The following COQ10A variants were observed in gnomAD, a reference collection of about 807,000 sequenced individuals.
COQ10A encodes the protein coenzyme Q-binding protein COQ10 homolog A, mitochondrial.
A neutral mutation model predicts 26.1 loss-of-function variants in COQ10A; 25 were observed. The observed-to-expected ratio is 0.96, with a 90% CI of 0.70 to 1.34. The LOEUF (loss-of-function observed/expected upper bound fraction) is 1.34. Ranked by LOEUF, COQ10A falls within the 40% of genes most tolerant of loss-of-function variation. The pLI is 0.00. For missense variants in COQ10A, 312 were observed against 335.4 expected, an observed-to-expected ratio of 0.93 and a Z score of 0.54; for synonymous variants, 132 against 124.0, an observed-to-expected ratio of 1.06 and a Z score of -0.43.
Position 56,269,159 on chromosome 12 carries a change from G to C in COQ10A, c.382G>C (p.Gly128Arg). The C allele has an allele frequency of 1.2e-6, 2 of 1,614,138 alleles. No individual in the cohort carries two copies. Among genetic ancestry groups the C allele is most frequent in the Admixed American group, 3.3e-5 (2 of 60,020 alleles). The change falls in exon 3 of 5, where the codon GGT (glycine) becomes CGT (arginine). Residue 128 changes from glycine to arginine, a missense_variant. Gly to Arg is a moderately radical substitution (Grantham distance 125). Transcript: ENST00000308197. ...KKSLVVSSRK[G>R]HLKAQLEVGF... ...GTCTCTGGTGGTATCCAGCCGTAAG[G>C]GTCATTTGAAAGCCCAGCTGGAGGT...
In COQ10A at chr12:56,268,972, T is replaced by C. The variant is rs1872427632; in HGVS notation, c.282-87T>C. On this transcript the variant is annotated intron_variant, in intron 2 of 4. Coordinates refer to ENST00000308197, the MANE Select transcript of COQ10A (RefSeq NM_144576.4). ...GTAGTTCCTGAAGGTGCGTGGTTAG[T>C]GGGCAAAGGTATGAATTAGGGGCCT... 8 of 1,069,958 alleles carry C rather than the reference T, an allele frequency of 7.5e-6. No homozygotes were observed. The East Asian group carries it at 1.7e-4, about 22-fold the overall frequency. The allele number at this position is 1,069,958 out of a possible 1,614,324, so 66.3% of individuals were successfully genotyped here.
At position 56,269,090 on chromosome 12, in the gene COQ10A, T is replaced by C; in HGVS notation, c.313T>C (p.Ser105Pro). Residue 105 changes from serine (S) to proline (P), a missense_variant, in exon 3 of 5, where the codon TCC (serine) becomes CCC (proline). Physicochemically the swap from Ser to Pro is moderately conservative, Grantham distance 74. Coordinates refer to ENST00000308197, the MANE Select transcript of COQ10A (RefSeq NM_144576.4). ...YSMQEMYEVV[S>P]NVQEYREFVP... ...AATGCAGGAGATGTATGAGGTGGTG[T>C]CCAACGTCCAGGAGTATCGTGAGTT... The C allele has an allele frequency of 6.2e-7, 1 of 1,614,026 alleles. No homozygotes were observed. Among genetic ancestry groups the C allele is most frequent in the Non-Finnish European group, 8.5e-7 (1 of 1,180,024 alleles).
chr12:56,269,269 G>A lies in COQ10A; in HGVS notation c.474+18G>A, dbSNP rs1229177529. On this transcript the variant is annotated intron_variant, in intron 3 of 4. Coordinates refer to ENST00000308197, the MANE Select transcript of COQ10A (RefSeq NM_144576.4). ...TGGTCAAGGTGAGGCCTGTATGGGAGGGATTGACAAGATTTTTTGTTTTTA... is the reference window on the plus strand; with the variant it reads ...TGGTCAAGGTGAGGCCTGTATGGGAAGGATTGACAAGATTTTTTGTTTTTA... 2 of 1,605,182 alleles carry A rather than the reference G, an allele frequency of 1.2e-6. No individual in the cohort carries two copies. Among genetic ancestry groups the A allele is most frequent in the South Asian group, 1.1e-5 (1 of 90,786 alleles).
At position 56,270,493 on chromosome 12, in the gene COQ10A, A is replaced by G; in HGVS notation, c.*176A>G. The G allele has an allele frequency of 1.5e-6, 1 of 671,504 alleles. No homozygotes were observed. The highest frequency in any genetic ancestry group is 2.0e-5 in the South Asian group (1 of 50,014). 41.6% of individuals were successfully genotyped at this position (671,504 alleles called of 1,614,324 possible). A position where few individuals can be genotyped will look rare whatever the true frequency, so the allele number is the denominator to read the frequency against. ...GGCTGGAAATGTTGGGGGAAAGAGA[A>G]GGCAAAGGATGTGGAAATGAGATGT... On this transcript the variant is annotated 3_prime_UTR_variant, in exon 5 of 5. Coordinates refer to ENST00000308197, the MANE Select transcript of COQ10A (RefSeq NM_144576.4).
rs1338277051 is a variant in COQ10A, at chr12:56,270,215, C to G, written c.642C>G (p.Val214=). 11 of 1,614,180 alleles carry G rather than the reference C, an allele frequency of 6.8e-6. No homozygotes were observed. Among genetic ancestry groups the G allele is most frequent in the African/African-American group, 5.3e-5 (4 of 75,032 alleles). ...CCACCATGTTTTTTGATGAGGTTGT[C>G]AAACAGAATGTTGCTGCCTTTGAGC... The part of the protein sequence containing the change: ...QLATMFFDEV[V]KQNVAAFERR... Residue 214 remains valine, a synonymous_variant, in exon 5 of 5, where the codon GTC becomes GTG. Coordinates refer to ENST00000308197, the MANE Select transcript of COQ10A (RefSeq NM_144576.4).
chr12:56,267,735 A>G, intron 1 of COQ10A, 59 bp from the exon 2 acceptor site: 1 of 1,610,010 alleles, frequency 6.2e-7, no homozygotes, highest in Non-Finnish European at 8.5e-7. Context: ...TCCTTCACCT[A>G]CAAATGATAG....
Position 56,267,879 on chromosome 12 carries a change from A to C in COQ10A, c.220A>C (p.Met74Leu). 6.2e-7 allele frequency: 1 copy of C among 1,614,134 alleles called. No individual in the cohort carries two copies. Among genetic ancestry groups the C allele is most frequent in the South Asian group, 1.1e-5 (1 of 91,082 alleles). ...TGGCTTACCTTCGAGCCGTTCCTTC[A>C]TGGGATTTGCTGCTCCCTTCACCAA... ...EAGLPSSRSF[M>L]GFAAPFTNKR... Residue 74 changes from methionine to leucine, a missense_variant, in exon 2 of 5, where the codon ATG (methionine) becomes CTG (leucine). Transcript: ENST00000308197.
rs965656501 is a variant in COQ10A at position 56,270,559 on chromosome 12, C to A, written c.*242C>A. ...AGGCCCATCGTAGGAGCACCATATG[C>A]CTGCAGCCTTTTCACTACGAATTAG... On this transcript the variant is annotated 3_prime_UTR_variant, in exon 5 of 5. Coordinates refer to ENST00000308197, the MANE Select transcript of COQ10A (RefSeq NM_144576.4). The A allele has an allele frequency of 2.1e-6, 1 of 469,176 alleles. No individual in the cohort carries two copies. Among genetic ancestry groups the A allele is most frequent in the Non-Finnish European group, 3.8e-6 (1 of 263,162 alleles). 29.1% of individuals were successfully genotyped at this position (469,176 alleles called of 1,614,324 possible). A position where few individuals can be genotyped will look rare whatever the true frequency, so the allele number is the denominator to read the frequency against.
chr12:56,267,151 TG>T lies in COQ10A; in HGVS notation c.36del (p.Thr13ArgfsTer32). ...GGGCGGGCTCGCGGCGGGTCCCAGC[TG>T]GGACGCGCGCGGCAGCCGAGCGCTG... ...AWAGSRRVPAGTRAAAERCCR... is the reference protein window; with the variant it reads ...AWAGSRRVPAXTRAAAERCCR... On this transcript the variant is annotated frameshift_variant, in exon 1 of 5. Coordinates refer to ENST00000308197, the MANE Select transcript of COQ10A (RefSeq NM_144576.4). LOFTEE classifies it high-confidence loss of function. The T allele has an allele frequency of 7.5e-7, 1 of 1,340,660 alleles. No homozygotes were observed. Among genetic ancestry groups the T allele is most frequent in the Non-Finnish European group, 9.5e-7 (1 of 1,052,418 alleles). The allele number at this position is 1,340,660 out of a possible 1,614,324, so 83.0% of individuals were successfully genotyped here. A position where few individuals can be genotyped will look rare whatever the true frequency, so the allele number is the denominator to read the frequency against.
rs1015160801 is a variant in COQ10A at position 56,267,124 on chromosome 12, C to A, written c.6C>A (p.Ala2=). 7.7e-7 allele frequency: 1 copy of A among 1,297,810 alleles called. No individual in the cohort carries two copies. The highest frequency in any genetic ancestry group is 9.7e-7 in the Non-Finnish European group (1 of 1,028,282). 80.4% of individuals were successfully genotyped at this position (1,297,810 alleles called of 1,614,324 possible). M[A]WAGSRRVPAG... ...GGCCAGGCAGGGTCGCGCGCATGGCCTGGGCGGGCTCGCGGCGGGTCCCAG... is the reference window on the plus strand; with the variant it reads ...GGCCAGGCAGGGTCGCGCGCATGGCATGGGCGGGCTCGCGGCGGGTCCCAG... The change falls in exon 1 of 5, where the codon GCC becomes GCA. Residue 2 remains alanine, a synonymous_variant. Transcript: ENST00000308197.
In COQ10A at chr12:56,267,944, A is replaced by G. The variant is rs1247332760; in HGVS notation, c.281+4A>G. 3 of 1,613,906 alleles carry G rather than the reference A, an allele frequency of 1.9e-6. No individual in the cohort carries two copies. The highest frequency in any genetic ancestry group is 2.5e-6 in the Non-Finnish European group (3 of 1,180,006). Reference sequence around the variant, plus strand: ...ACTCGGAGCGTAGAATCATGGGGTAAGCATTCTCTGCCTTGCATCCTTGCA... The same window carrying G: ...ACTCGGAGCGTAGAATCATGGGGTAGGCATTCTCTGCCTTGCATCCTTGCA... On this transcript the variant is annotated splice_donor_region_variant and intron_variant, in intron 2 of 4. Transcript: ENST00000308197.
In COQ10A at chr12:56,270,825, G is replaced by C. The variant is rs1872498510; in HGVS notation, c.*508G>C. Reference sequence around the variant, plus strand: ...AAGTCCATGCTGCCTGGCTACTAGAGAGCAAGGGGCTTTCTTACCACCAGT... The same window carrying C: ...AAGTCCATGCTGCCTGGCTACTAGACAGCAAGGGGCTTTCTTACCACCAGT... On this transcript the variant is annotated 3_prime_UTR_variant, in exon 5 of 5. Coordinates refer to ENST00000308197, the MANE Select transcript of COQ10A (RefSeq NM_144576.4). 1 of 152,370 alleles carries C rather than the reference G, an allele frequency of 6.6e-6. No homozygotes were observed. Among genetic ancestry groups the C allele is most frequent in the Admixed American group, 6.5e-5 (1 of 15,284 alleles). The allele number at this position is 152,370 out of a possible 1,614,324, so 9.4% of individuals were successfully genotyped here.
At chr12:56,268,195 G>A (rs1872407852) in intron 2 of COQ10A, 2 of 496,118 alleles carry the variant, frequency 4.0e-6, no homozygotes, top group Non-Finnish European at 7.2e-6. Flanking sequence ...GCGTAGCTGG[G>A]TGCGGTGGCT....
chr12:56,270,223 A>G lies in COQ10A; in HGVS notation c.650A>G (p.Asn217Ser), dbSNP rs532467426. The G allele has an allele frequency of 6.2e-7, 1 of 1,614,182 alleles. No homozygotes were observed. Among genetic ancestry groups the G allele is most frequent in the South Asian group, 1.1e-5 (1 of 91,084 alleles). ...TMFFDEVVKQ[N>S]VAAFERRAAT... ...TTTTTTGATGAGGTTGTCAAACAGA[A>G]TGTTGCTGCCTTTGAGCGTCGGGCA... is the stretch of plus-strand genomic sequence containing the variant. Residue 217 changes from asparagine to serine, a missense_variant, in exon 5 of 5, where the codon AAT becomes AGT. Asn to Ser is a conservative substitution (Grantham distance 46). Transcript: ENST00000308197.
At chr12:56,268,144 T>A in intron 2 of COQ10A, 1 of 667,714 alleles carries the variant, frequency 1.5e-6, no homozygotes, top group Non-Finnish European at 2.5e-6. Context: ...TGTGCTTAAG[T>A]GAAATGAGAC....
At position 56,267,857 on chromosome 12, in the gene COQ10A, C is replaced by T; in HGVS notation, c.198C>T (p.Gly66=). 6.2e-7 allele frequency: 1 copy of T among 1,614,218 alleles called. No individual in the cohort carries two copies. Among genetic ancestry groups the T allele is most frequent in the Non-Finnish European group, 8.5e-7 (1 of 1,180,020 alleles). The part of the protein sequence containing the change: ...RAAQILAAEA[G]LPSSRSFMGF... Reference sequence around the variant, plus strand: ...CCCAGATCTTGGCGGCTGAGGCTGGCTTACCTTCGAGCCGTTCCTTCATGG... The same window carrying T: ...CCCAGATCTTGGCGGCTGAGGCTGGTTTACCTTCGAGCCGTTCCTTCATGG... The change falls in exon 2 of 5, where the codon GGC becomes GGT. Residue 66 remains glycine, a synonymous_variant. Transcript: ENST00000308197.
In COQ10A at chr12:56,269,212, C is replaced by A. The variant is rs1213092417; in HGVS notation, c.435C>A (p.Tyr145Ter). ...EVGFPPVMER[Y>*]TSAVSMVKPH... ...GCTTTCCACCTGTCATGGAACGTTA[C>A]ACCTCTGCAGTTTCCATGGTCAAAC... The change falls in exon 3 of 5, where the codon TAC (tyrosine) becomes TAA (stop). Residue 145 changes from tyrosine to a stop codon, truncating the protein, a stop_gained. Transcript: ENST00000308197. LOFTEE classifies it high-confidence loss of function. The A allele has an allele frequency of 6.2e-7, 1 of 1,614,172 alleles. No homozygotes were observed. The highest frequency in any genetic ancestry group is 1.7e-5 in the Admixed American group (1 of 60,020).
intron 4 of COQ10A, chr12:56,269,844 C>T (rs1872458302): frequency 1.9e-6 from 1 of 518,304 alleles, no homozygotes; most frequent in East Asian, 3.6e-5. Context: ...CTAGGCTGCT[C>T]TCAAACTCCT....
At chr12:56,269,001 G>T in intron 2 of COQ10A, 58 bp from the exon 3 acceptor site, 1 of 1,479,854 alleles carries the variant, frequency 6.8e-7, no homozygotes, top group Non-Finnish European at 9.4e-7. Flanking sequence ...GGGGCCTATA[G>T]CAAGGAGGAA....
Sources: allele counts gnomAD v4.1 joint callset, GRCh38; gene constraint gnomAD v4.1.1; transcripts MANE v1.5; gene names NCBI Gene and HGNC (gene_info 2026-07-23, HGNC 2026-07-21).